Variants in IFT57 observed in about 807,000 individuals in gnomAD.
IFT57 encodes the protein intraflagellar transport 57.
In IFT57, 59 loss-of-function variants were observed where a neutral mutation model predicts 56.8. That is an observed-to-expected ratio of 1.04 (90% CI 0.84 to 1.29). IFT57 has a LOEUF of 1.29. Ranked by LOEUF, IFT57 falls within the 50% of genes most tolerant of loss-of-function variation. The pLI is 0.00. For missense variants in IFT57, 470 were observed against 522.1 expected (o/e 0.90, Z 0.97); for synonymous variants, 209 against 186.1 (o/e 1.12, Z -1.00).
Position 108,218,695 on chromosome 3 carries a change from T to C in IFT57, c.376-42A>G, listed in dbSNP as rs374735598. 191 of 978,722 alleles carry C rather than the reference T, an allele frequency of 2.0e-4. 1 individual carries two copies. The highest frequency in any genetic ancestry group is 2.7e-4 in the Non-Finnish European group (182 of 663,218). 60.6% of individuals were successfully genotyped at this position (978,722 alleles called of 1,614,324 possible). A position where few individuals can be genotyped will look rare whatever the true frequency, so the allele number is the denominator to read the frequency against. ...AAAACAGGGTATTATTTGTTAGTTA[T>C]ACTCCAAATGTCAAATATTTTAAGC... On this transcript the variant is annotated intron_variant, in intron 2 of 10. Transcript: ENST00000264538.
chr3:108,213,830 GA>G (rs2080356684), intron 4 of IFT57, 100 bp downstream of exon 4: 2 of 677,806 alleles, frequency 3.0e-6, no homozygotes, highest in South Asian at 4.1e-5. Context: ...TAGAAACAAT[GA>G]AATAAAATAT....
intron 3 of IFT57, among the ~76,000 whole-genome samples, chr3:108,214,977 C>T (rs1456880642): frequency 6.6e-6 from 1 of 152,112 alleles, no homozygotes; most frequent in South Asian, 2.1e-4. Context: ...AACCTCTATA[C>T]TCCTCTGGTC....
chr3:108,172,899 G>C (rs556671540), intron 6 of IFT57, among the ~76,000 whole-genome samples: 1 of 151,980 alleles, frequency 6.6e-6, no homozygotes, highest in East Asian at 1.9e-4. Flanking sequence ...GCCCATTAAA[G>C]TGTTGAGCCA....
intron 6 of IFT57, among the ~76,000 whole-genome samples, chr3:108,175,617 A>G (rs1383113028): frequency 3.3e-5 from 5 of 151,770 alleles, no homozygotes; most frequent in Admixed American, 2.6e-4. Flanking sequence ...CACTTGAAAG[A>G]TTTCCTTTGT....
At chr3:108,200,198 C>T (rs546042806) in intron 5 of IFT57, among the ~76,000 whole-genome samples, 1 of 152,048 alleles carries the variant, frequency 6.6e-6, no homozygotes, top group African/African-American at 2.4e-5. Flanking sequence ...GACAGAGTAG[C>T]AGGGTGAAAA....
chr3:108,215,485 C>A (rs2080366721), intron 3 of IFT57, among the ~76,000 whole-genome samples: 1 of 152,102 alleles, frequency 6.6e-6, no homozygotes, highest in African/African-American at 2.4e-5. Context: ...ATCGCTTGAG[C>A]CCGGCAGGCA....
chr3:108,221,876 G>C (rs2080407827), intron 1 of IFT57: 1 of 724,276 alleles, frequency 1.4e-6, no homozygotes, highest in Non-Finnish European at 2.1e-6. Flanking sequence ...GCTGTCTTCC[G>C]ATCCTTTCTG....
chr3:108,197,150 A>C (rs533796825), intron 5 of IFT57, among the ~76,000 whole-genome samples: 2 of 152,330 alleles, frequency 1.3e-5, no homozygotes, highest in South Asian at 4.1e-4. Flanking sequence ...TGCAGAAGAA[A>C]CAATTAGAAG....
rs570237247 is a variant in IFT57, at chr3:108,211,343, C to T, written c.585+2588G>A. 2.6e-5 allele frequency among the ~76,000 whole-genome samples: 4 copies of T among 152,330 alleles called. No individual in the cohort carries two copies. In the East Asian group the frequency reaches 7.7e-4, roughly 29 times the overall value. ...GTGAACAACTAGGAATATATGAGTA[C>T]TTAATTTCTGAGCTTGAACGGAAAG... On this transcript the variant is annotated intron_variant, in intron 4 of 10. Coordinates refer to ENST00000264538, the MANE Select transcript of IFT57 (RefSeq NM_018010.4).
In IFT57 at chr3:108,161,802, C is replaced by T. The variant is rs184964779; in HGVS notation, c.*675G>A. 1 of 152,272 alleles carries T rather than the reference C, an allele frequency of 6.6e-6. No individual in the cohort carries two copies. The highest frequency in any genetic ancestry group is 6.5e-5 in the Admixed American group (1 of 15,282). The allele number at this position is 152,272 out of a possible 1,614,324, so 9.4% of individuals were successfully genotyped here. On this transcript the variant is annotated 3_prime_UTR_variant, in exon 11 of 11. Coordinates refer to ENST00000264538, the MANE Select transcript of IFT57 (RefSeq NM_018010.4). The stretch of plus-strand genomic sequence containing the variant: ...AGGTAGAAATTGAGACATGCATATG[C>T]ACCTTCTCTTCATTCTAAGAACAGA...
At chr3:108,211,476 G>A (rs991917675) in intron 4 of IFT57, among the ~76,000 whole-genome samples, 1 of 152,174 alleles carries the variant, frequency 6.6e-6, no homozygotes, top group African/African-American at 2.4e-5. Context: ...TCACTTAGGA[G>A]CTCTGGCCCC....
At chr3:108,221,184 G>A (rs555574026) in intron 1 of IFT57, among the ~76,000 whole-genome samples, 1 of 152,238 alleles carries the variant, frequency 6.6e-6, no homozygotes, top group South Asian at 2.1e-4. Context: ...AGACAGCAGT[G>A]GAATGAGATT....
At chr3:108,174,016 G>A (rs920247128) in intron 6 of IFT57, among the ~76,000 whole-genome samples, 7 of 148,294 alleles carry the variant, frequency 4.7e-5, no homozygotes, top group African/African-American at 1.0e-4. Context: ...GTGTGTGTGT[G>A]TGTGTGTGTG....
At chr3:108,208,189 C>G (rs2080324045) in intron 4 of IFT57, among the ~76,000 whole-genome samples, 1 of 152,040 alleles carries the variant, frequency 6.6e-6, no homozygotes, top group South Asian at 2.1e-4. Flanking sequence ...GTGACATTTA[C>G]TTTTTTTAGA....
chr3:108,191,376 T>C (rs2080213998), intron 6 of IFT57, 145 bp downstream of exon 6: 1 of 484,516 alleles, frequency 2.1e-6, no homozygotes, highest in Admixed American at 4.1e-5. Context: ...AACAACAATT[T>C]GTTAAATCCT....
At chr3:108,173,333 A>G (rs2080104817) in intron 6 of IFT57, among the ~76,000 whole-genome samples, 1 of 151,748 alleles carries the variant, frequency 6.6e-6, no homozygotes, top group Non-Finnish European at 1.5e-5. Context: ...GCAGCAGAGG[A>G]GCACACAGCT....
intron 6 of IFT57, among the ~76,000 whole-genome samples, chr3:108,174,694 G>A (rs1388035221): frequency 6.6e-6 from 1 of 151,784 alleles, no homozygotes; most frequent in African/African-American, 2.4e-5. Flanking sequence ...CATGGTCTAT[G>A]CCAGGATTGT....
At position 108,163,609 on chromosome 3, in the gene IFT57, G is replaced by A; in HGVS notation, c.1111+54C>T. The A allele has an allele frequency of 2.5e-6, 3 of 1,180,294 alleles. No homozygotes were observed. In the South Asian group the frequency reaches 3.8e-5, roughly 15 times the overall value. The allele number at this position is 1,180,294 out of a possible 1,614,324, so 73.1% of individuals were successfully genotyped here. A position where few individuals can be genotyped will look rare whatever the true frequency, so the allele number is the denominator to read the frequency against. On this transcript the variant is annotated intron_variant, in intron 10 of 10. Coordinates refer to ENST00000264538, the MANE Select transcript of IFT57 (RefSeq NM_018010.4). ...TACTATTTTGTTAAGTAGGTTTCTTGAAGAGCTATTTTTCTCTTGCTCAGT... is the reference window on the plus strand; with the variant it reads ...TACTATTTTGTTAAGTAGGTTTCTTAAAGAGCTATTTTTCTCTTGCTCAGT...
chr3:108,170,912 T>C (rs1427944110), intron 6 of IFT57, among the ~76,000 whole-genome samples: 1 of 152,030 alleles, frequency 6.6e-6, no homozygotes, highest in Non-Finnish European at 1.5e-5. Context: ...AAGGATTCCC[T>C]ATTTAATACA....
Sources: gnomAD v4.1 joint callset for allele counts (sites outside exome capture counted in the v4.1 genomes callset) on GRCh38, gnomAD v4.1.1 for gene constraint, MANE v1.5 for transcripts, NCBI Gene and HGNC (gene_info 2026-07-23, HGNC 2026-07-21) for gene names.